MEGF11: variants seen among roughly 807,000 people sequenced by gnomAD.
MEGF11 encodes multiple epidermal growth factor-like domains protein 11.
Under a neutral mutation model 146.6 loss-of-function variants are expected in MEGF11, and 126 were observed. The ratio of observed to expected loss-of-function variants is 0.86; its 90% confidence interval spans 0.74 to 1.00. The LOEUF is 1.00. Ranked by LOEUF, MEGF11 falls within the 50% of genes least tolerant of loss-of-function variation. MEGF11 has a pLI of 0.00. For missense variants in MEGF11, 1,509 were observed against 1,521.2 expected (o/e 0.99, Z 0.13); for synonymous variants, 532 against 583.4 (o/e 0.91, Z 1.27).
chr15:66,004,362 AAGAG>A (rs933601591), intron 5 of MEGF11, among the ~76,000 whole-genome samples: 3 of 151,908 alleles, frequency 2.0e-5, no homozygotes, highest in Admixed American at 6.6e-5. Context: ...CCTGGGGAGA[AAGAG>A]AGGGAGGATA....
intron 16 of MEGF11, among the ~76,000 whole-genome samples, chr15:65,917,531 C>G (rs2079040306): frequency 6.6e-6 from 1 of 152,156 alleles, no homozygotes; most frequent in African/African-American, 2.4e-5. Context: ...CAGATTGGTG[C>G]ACTTTACATG....
chr15:66,230,425 T>C (rs1204959326), intron 1 of MEGF11, among the ~76,000 whole-genome samples: 2 of 152,230 alleles, frequency 1.3e-5, no homozygotes, highest in Non-Finnish European at 2.9e-5. Context: ...AATGGAGGTC[T>C]ATAATATCCA....
rs147333448 is a variant in MEGF11 at position 66,229,984 on chromosome 15, T to C, written c.-9+23621A>G. Among the ~76,000 whole-genome samples the C allele has an allele frequency of 5.8e-4, 88 of 152,322 alleles. 1 individual carries two copies. In the East Asian group the frequency reaches 0.016, roughly 28 times the overall value. On this transcript the variant is annotated intron_variant, in intron 1 of 25. Transcript: ENST00000395614. ...CAGTGGTGCGAACTTCCTGTCCTGT[T>C]GGGAAGTGCTGGCAGCAACTTTACC...
At chr15:66,026,457 G>C (rs1310930346) in intron 5 of MEGF11, among the ~76,000 whole-genome samples, 1 of 152,170 alleles carries the variant, frequency 6.6e-6, no homozygotes, top group East Asian at 1.9e-4. Flanking sequence ...GCAGGATGTG[G>C]AGCCTGATGA....
At chr15:65,955,724 A>G (rs527903855) in intron 10 of MEGF11, among the ~76,000 whole-genome samples, 21 of 124,208 alleles carry the variant, frequency 1.7e-4, no homozygotes, top group Non-Finnish European at 3.1e-4. Context: ...AGTCTGGGCA[A>G]CAAAGTGAGA....
At chr15:66,117,501 C>A (rs1054452574) in intron 4 of MEGF11, among the ~76,000 whole-genome samples, 1 of 152,164 alleles carries the variant, frequency 6.6e-6, no homozygotes, top group Non-Finnish European at 1.5e-5. Flanking sequence ...AAGAGCTTTG[C>A]CACCGTTCAC....
In MEGF11 at chr15:65,946,113, A is replaced by C. The variant is rs865934455; in HGVS notation, c.1287+11434T>G. ...CAGAGTAAGTGCTATAGATGCTTTC[A>C]GCGTTTTATTATTACATATGACCCA... is the stretch of plus-strand genomic sequence containing the variant. On this transcript the variant is annotated intron_variant, in intron 10 of 25. Coordinates refer to ENST00000395614, the MANE Select transcript of MEGF11 (RefSeq NM_001385028.1). Among the ~76,000 whole-genome samples, 8 of 152,348 alleles carry C rather than the reference A, an allele frequency of 5.3e-5. No individual in the cohort carries two copies. In the Middle Eastern group the frequency reaches 0.01, roughly 194 times the overall value.
chr15:65,917,840 C>G, intron 16 of MEGF11, 126 bp downstream of exon 16: 1 of 1,120,186 alleles, frequency 8.9e-7, no homozygotes, highest in Admixed American at 2.1e-5. Context: ...GGGGCTCATT[C>G]CTACATGCAG....
chr15:65,939,229 G>C (rs1006514380), intron 10 of MEGF11, among the ~76,000 whole-genome samples: 1 of 152,208 alleles, frequency 6.6e-6, no homozygotes, highest in East Asian at 1.9e-4. Flanking sequence ...CAGCAACCAA[G>C]GAAGTTGGCC....
intron 1 of MEGF11, among the ~76,000 whole-genome samples, chr15:66,185,451 A>G (rs149876310): frequency 2.8e-4 from 42 of 152,196 alleles, no homozygotes; most frequent in Middle Eastern, 6.8e-3. Flanking sequence ...TTTGGATATA[A>G]TCATTTCCTT....
At chr15:66,214,434 G>A (rs2091536359) in intron 1 of MEGF11, among the ~76,000 whole-genome samples, 1 of 152,198 alleles carries the variant, frequency 6.6e-6, no homozygotes, top group Non-Finnish European at 1.5e-5. Context: ...TGCTGCAGGG[G>A]AAATGACTCT....
At chr15:66,235,643 C>A (rs2092073442) in intron 1 of MEGF11, among the ~76,000 whole-genome samples, 2 of 152,134 alleles carry the variant, frequency 1.3e-5, no homozygotes, top group Admixed American at 1.3e-4. Context: ...GCACTACACC[C>A]CAATACCTGC....
intron 11 of MEGF11, 112 bp from the exon 12 acceptor site, chr15:65,929,995 G>C (rs550761029): frequency 9.2e-7 from 1 of 1,090,862 alleles, no homozygotes; most frequent in African/African-American, 1.6e-5. Context: ...GCTTTCCTGA[G>C]GGCTGGGTTA....
intron 18 of MEGF11, among the ~76,000 whole-genome samples, chr15:65,915,907 T>A (rs528898488): frequency 1.5e-3 from 231 of 152,284 alleles, no homozygotes; most frequent in African/African-American, 5.3e-3. Context: ...TGCCTCCCAC[T>A]ATTCTCTCAT....
At chr15:66,063,348 A>G (rs933971560) in intron 5 of MEGF11, among the ~76,000 whole-genome samples, 4 of 152,220 alleles carry the variant, frequency 2.6e-5, no homozygotes, top group African/African-American at 9.6e-5. Flanking sequence ...GCAAGGTCAG[A>G]TGCAGGGAGC....
chr15:65,909,253 G>C (rs2078721808), intron 22 of MEGF11, 118 bp from the exon 23 acceptor site: 10 of 740,838 alleles, frequency 1.3e-5, no homozygotes, highest in African/African-American at 8.6e-5. Flanking sequence ...GGGAGGACTT[G>C]GGGGCCTCTG....
chr15:65,922,145 G>A lies in MEGF11; in HGVS notation c.1957+193C>T, dbSNP rs1479820352. On this transcript the variant is annotated intron_variant, in intron 15 of 25. Coordinates refer to ENST00000395614, the MANE Select transcript of MEGF11 (RefSeq NM_001385028.1). ...AGACAAATCATTTCACTTCTGTGAG[G>A]CTGTTAACTGTGTTAGGGCCTTTGT... 24 of 620,270 alleles carry A rather than the reference G, an allele frequency of 3.9e-5. No homozygotes were observed. The South Asian group carries it at 4.9e-4, about 13-fold the overall frequency. 38.4% of individuals were successfully genotyped at this position (620,270 alleles called of 1,614,324 possible). A position where few individuals can be genotyped will look rare whatever the true frequency, so the allele number is the denominator to read the frequency against.
chr15:66,251,391 G>T (rs2092368486), intron 1 of MEGF11, among the ~76,000 whole-genome samples: 1 of 152,120 alleles, frequency 6.6e-6, no homozygotes, highest in Admixed American at 6.5e-5. Context: ...TCACTTCCTT[G>T]ACTACAAAAC....
intron 7 of MEGF11, among the ~76,000 whole-genome samples, chr15:65,976,171 T>G (rs781181605): frequency 2.6e-5 from 4 of 151,614 alleles, no homozygotes; most frequent in Non-Finnish European, 5.9e-5. Context: ...GCCTCCTGAA[T>G]AGCTGGGATT....
Sources: gnomAD v4.1 joint callset for allele counts (sites outside exome capture counted in the v4.1 genomes callset) on GRCh38, gnomAD v4.1.1 for gene constraint, MANE v1.5 for transcripts, NCBI Gene and HGNC (gene_info 2026-07-23, HGNC 2026-07-21) for gene names.